Variants in XPO7 observed in about 807,000 individuals in gnomAD.
The protein encoded by XPO7 is exportin-7.
Under a neutral mutation model 144.3 loss-of-function variants are expected in XPO7, and 21 were observed. That is an observed-to-expected ratio of 0.15 (90% CI 0.10 to 0.21). The LOEUF (loss-of-function observed/expected upper bound fraction) is 0.21. XPO7 is among the 10% of genes least tolerant of loss of function. XPO7 has a pLI of 1.00. For missense variants in XPO7, 808 were observed against 1,325.8 expected (o/e 0.61, Z 6.06); for synonymous variants, 580 against 499.6 (o/e 1.16, Z -2.15).
chr8:21,949,864 G>A (rs1204245805), intron 1 of XPO7, among the ~76,000 whole-genome samples: 2 of 152,194 alleles, frequency 1.3e-5, no homozygotes. Flanking sequence ...CGAATAGCTG[G>A]AATTACAGGG....
chr8:21,955,043 A>G (rs1488938019), intron 1 of XPO7, among the ~76,000 whole-genome samples: 2 of 152,246 alleles, frequency 1.3e-5, no homozygotes, highest in East Asian at 1.9e-4. Flanking sequence ...GTAATATAGC[A>G]GGAAAGTTTA....
intron 8 of XPO7, among the ~76,000 whole-genome samples, chr8:21,978,681 G>T (rs1284214322): frequency 6.6e-6 from 1 of 152,208 alleles, no homozygotes; most frequent in East Asian, 1.9e-4. Context: ...TGCCCCTGGG[G>T]CTGGCAGTAG....
At chr8:21,990,073 T>G (rs1288468446) in intron 16 of XPO7, among the ~76,000 whole-genome samples, 7 of 151,838 alleles carry the variant, frequency 4.6e-5, no homozygotes, top group African/African-American at 1.7e-4. Flanking sequence ...ATGGTCTCGA[T>G]CTCCTGACCT....
intron 1 of XPO7, among the ~76,000 whole-genome samples, chr8:21,941,087 GA>G (rs1810975809): frequency 6.6e-6 from 1 of 151,614 alleles, no homozygotes; most frequent in South Asian, 2.1e-4. Context: ...GTCCCTGATA[GA>G]AAATGGATTA....
At chr8:21,943,668 C>G (rs2117272816) in intron 1 of XPO7, among the ~76,000 whole-genome samples, 1 of 152,248 alleles carries the variant, frequency 6.6e-6, no homozygotes, top group East Asian at 1.9e-4. Flanking sequence ...GAGGGTAGGG[C>G]TAAGGTGAGA....
intron 27 of XPO7, among the ~76,000 whole-genome samples, chr8:22,004,627 G>A (rs1049771359): frequency 1.3e-5 from 2 of 152,218 alleles, no homozygotes; most frequent in South Asian, 4.1e-4. Context: ...CAGGGGCACG[G>A]TAGCCATATG....
intron 1 of XPO7, among the ~76,000 whole-genome samples, chr8:21,948,113 T>C (rs986690963): frequency 6.6e-6 from 1 of 152,212 alleles, no homozygotes; most frequent in Non-Finnish European, 1.5e-5. Flanking sequence ...CTTACTCTCA[T>C]ATATTGACCT....
At chr8:22,004,439 A>G (rs1355249104) in intron 27 of XPO7, among the ~76,000 whole-genome samples, 1 of 152,208 alleles carries the variant, frequency 6.6e-6, no homozygotes, top group Non-Finnish European at 1.5e-5. Context: ...AAACACACCT[A>G]GGGACTTTCC....
At chr8:21,928,802 T>C (rs1244216561) in intron 1 of XPO7, among the ~76,000 whole-genome samples, 1 of 152,274 alleles carries the variant, frequency 6.6e-6, no homozygotes, top group African/African-American at 2.4e-5. Flanking sequence ...ATGATAATTA[T>C]ATGAAATTCT....
chr8:21,970,251 T>C lies in XPO7; in HGVS notation c.367T>C (p.Cys123Arg), dbSNP rs369517468. The C allele has an allele frequency of 6.2e-7, 1 of 1,613,770 alleles. No homozygotes were observed. Among genetic ancestry groups the C allele is most frequent in the Non-Finnish European group, 8.5e-7 (1 of 1,179,836 alleles). Residue 123 changes from cysteine to arginine, a missense_variant, in exon 4 of 28, where the codon TGT (cysteine) becomes CGT (arginine). Physicochemically the swap from Cys to Arg is radical, Grantham distance 180. Transcript: ENST00000252512. Reference sequence around the variant, plus strand: ...AATCACAAAACTGGGCTGGTTTGACTGTCAGAAGGATGACTATGTCTTCAG... The same window carrying C: ...AATCACAAAACTGGGCTGGTTTGACCGTCAGAAGGATGACTATGTCTTCAG... ...ARITKLGWFD[C>R]QKDDYVFRNA...
At chr8:21,942,490 T>C (rs1211141801) in intron 1 of XPO7, among the ~76,000 whole-genome samples, 1 of 152,266 alleles carries the variant, frequency 6.6e-6, no homozygotes, top group African/African-American at 2.4e-5. Context: ...ATGTGTCTTA[T>C]TGGAGTACAG....
intron 20 of XPO7, 138 bp from the exon 21 acceptor site, chr8:21,995,354 C>T: frequency 3.0e-6 from 2 of 673,292 alleles, no homozygotes; most frequent in South Asian, 2.0e-5. Context: ...GTTAGAAAGA[C>T]TCCAAGATTA....
intron 1 of XPO7, among the ~76,000 whole-genome samples, chr8:21,964,754 G>GCAAATCAAAA (rs1207334180): frequency 4.6e-5 from 7 of 152,122 alleles, no homozygotes; most frequent in Non-Finnish European, 7.4e-5. Context: ...CTAAATTAAA[G>GCAAATCAAAA]CAAATCAAAA....
intron 1 of XPO7, chr8:21,964,169 T>C (rs1043059266): frequency 6.6e-6 from 1 of 152,190 alleles, no homozygotes; most frequent in Non-Finnish European, 1.5e-5. Context: ...AGTTTCTCCA[T>C]GGATTATAGG....
chr8:21,970,214 G>T lies in XPO7; in HGVS notation c.330G>T (p.Gln110His). 7.4e-6 allele frequency: 12 copies of T among 1,613,804 alleles called. No individual in the cohort carries two copies. The highest frequency in any genetic ancestry group is 1.0e-5 in the Non-Finnish European group (12 of 1,179,842). The part of the protein sequence containing the change: ...LATFVTQALI[Q>H]LYARITKLGW... ...CTTTCGTGACACAAGCACTTATTCA[G>T]TTATATGCCAGAATCACAAAACTGG... The change falls in exon 4 of 28, where the codon CAG (glutamine) becomes CAT (histidine). Residue 110 changes from glutamine to histidine, a missense_variant. Around this residue, in one of 5 missense-constraint regions of XPO7, gnomAD observed 223 missense variants for 368.8 expected, o/e 0.60. Transcript: ENST00000252512.
intron 1 of XPO7, among the ~76,000 whole-genome samples, chr8:21,920,530 A>T (rs561862098): frequency 2.8e-4 from 42 of 152,160 alleles, no homozygotes; most frequent in Non-Finnish European, 5.7e-4. Context: ...GGTTGGGTGC[A>T]GACGTTGCTC....
chr8:21,998,722 C>T (rs1311995708), intron 21 of XPO7, 33 bp from the exon 22 acceptor site: 1 of 1,602,592 alleles, frequency 6.2e-7, no homozygotes, highest in African/African-American at 1.3e-5. Flanking sequence ...GAAAACACCT[C>T]TGACTTTTTC....
intron 13 of XPO7, 98 bp downstream of exon 13, chr8:21,985,789 C>T: frequency 9.8e-7 from 1 of 1,021,246 alleles, no homozygotes; most frequent in Non-Finnish European, 1.5e-6. Context: ...TCTGAACATG[C>T]TAACTGCCCA....
intron 20 of XPO7, 34 bp downstream of exon 20, chr8:21,994,485 C>G (rs1290692291): frequency 6.4e-7 from 1 of 1,569,842 alleles, no homozygotes; most frequent in Non-Finnish European, 8.7e-7. Context: ...ACACTACAGC[C>G]TGCCTTAACT....
Sources: allele counts gnomAD v4.1 joint callset (sites outside exome capture counted in the v4.1 genomes callset), GRCh38; gene constraint gnomAD v4.1.1; regional missense constraint gnomAD v4.1.1; transcripts MANE v1.5; gene names NCBI Gene and HGNC (gene_info 2026-07-23, HGNC 2026-07-21).